The following ERICH1 variants were observed in gnomAD, a reference collection of about 807,000 sequenced individuals.
ERICH1 encodes glutamate rich 1.
In ERICH1, 56 loss-of-function variants were observed where a neutral mutation model predicts 39.6. That is an observed-to-expected ratio of 1.41 (90% confidence interval 1.14 to 1.77). The LOEUF (loss-of-function observed/expected upper bound fraction) is 1.77, where lower values mean the gene tolerates loss of function less well. ERICH1 is among the 40% of genes most tolerant of loss of function. The probability of loss-of-function intolerance (pLI) is 0.00; values close to 1 mark genes in which losing one functional copy is unlikely to be tolerated. For missense variants in ERICH1, 826 were observed against 575.4 expected (o/e 1.44, Z -4.45); for synonymous variants, 313 against 223.6 (o/e 1.40, Z -3.57).
chr8:706,768 C>T (rs943304714), intron 2 of ERICH1, among the ~76,000 whole-genome samples: 4 of 152,110 alleles, frequency 2.6e-5, no homozygotes, highest in Non-Finnish European at 5.9e-5. Context: ...GAAACTCCAT[C>T]TCAAAAACAA....
chr8:724,754 G>A (rs1293067428), intron 1 of ERICH1, among the ~76,000 whole-genome samples: 1 of 152,214 alleles, frequency 6.6e-6, no homozygotes, highest in Admixed American at 6.5e-5. Flanking sequence ...TCAGCCCAAA[G>A]AACTTGCAAC....
chr8:667,436 C>G (rs1802433500), intron 5 of ERICH1: 1 of 153,164 alleles, frequency 6.5e-6, no homozygotes, highest in African/African-American at 2.4e-5. Context: ...CCTCCACAGC[C>G]TCATCTCCAG....
In ERICH1 at chr8:647,091, C is replaced by A. The variant is rs564699366; in HGVS notation, c.976+21507G>T. Among the ~76,000 whole-genome samples the A allele has an allele frequency of 8.4e-4, 58 of 69,008 alleles. 20 individuals are homozygous for A. Among genetic ancestry groups the A allele is most frequent in the African/African-American group, 2.2e-3 (58 of 26,904 alleles). 45.3% of individuals were successfully genotyped at this position (69,008 alleles called of 152,430 possible). ...GGCTGAGCATATTGAGGTAGCCTGT[C>A]CACGCAGGTGGCGGGAGTCATGCTC... On this transcript the variant is annotated intron_variant, in intron 3 of 3. Transcript: ENST00000522706.
downstream of ERICH1, among the ~76,000 whole-genome samples, chr8:660,283 G>A (rs1166768967): frequency 1.3e-5 from 2 of 152,264 alleles, no homozygotes; most frequent in Non-Finnish European, 2.9e-5. Context: ...AGTTGTTATT[G>A]TAATATTTGA....
chr8:728,571 G>A (rs754284586), intron 1 of ERICH1, among the ~76,000 whole-genome samples: 2 of 152,160 alleles, frequency 1.3e-5, no homozygotes, highest in South Asian at 2.1e-4. Context: ...GAAACAGCCC[G>A]ACCTGAGCTA....
intron 2 of ERICH1, among the ~76,000 whole-genome samples, chr8:702,615 G>A (rs1396527866): frequency 1.3e-5 from 2 of 152,194 alleles, no homozygotes; most frequent in South Asian, 2.1e-4. Context: ...GAAAGAGGCC[G>A]ACAGTGCGCC....
intron 2 of ERICH1, among the ~76,000 whole-genome samples, chr8:711,371 C>T (rs560261231): frequency 1.3e-5 from 2 of 152,208 alleles, no homozygotes; most frequent in Non-Finnish European, 2.9e-5. Flanking sequence ...CTTATCAATT[C>T]TTTCTTTGAT....
At chr8:683,113 G>A (rs1161195782) in intron 3 of ERICH1, among the ~76,000 whole-genome samples, 1 of 152,156 alleles carries the variant, frequency 6.6e-6, no homozygotes, top group African/African-American at 2.4e-5. Context: ...TCTCACAGAC[G>A]CGGACACTCC....
At position 673,400 on chromosome 8, in the gene ERICH1, C is replaced by G. The variant is rs142191174; in HGVS notation, c.952G>C (p.Gly318Arg). 6.2e-7 allele frequency: 1 copy of G among 1,611,904 alleles called. No individual in the cohort carries two copies. The highest frequency in any genetic ancestry group is 1.3e-5 in the African/African-American group (1 of 74,114). Residue 318 changes from glycine to arginine, a missense_variant, in exon 4 of 6, where the codon GGG (glycine) becomes CGG (arginine). Coordinates refer to ENST00000262109, the MANE Select transcript of ERICH1 (RefSeq NM_207332.3). ...CTGGCGTCTGCACCGTCCTCCTCCC[C>G]GGAGTCTGCACCCTCTTCCTCCCCA... ...WAGEEEGADS[G>R]EEDGADASEE...
chr8:630,410 C>T (rs867062143), intron 3 of ERICH1, among the ~76,000 whole-genome samples: 3 of 134,276 alleles, frequency 2.2e-5, no homozygotes, highest in African/African-American at 5.6e-5. Context: ...GACTCACACC[C>T]TCCTGTGACC....
At chr8:697,300 G>A (rs1350783730) in intron 2 of ERICH1, among the ~76,000 whole-genome samples, 1 of 152,152 alleles carries the variant, frequency 6.6e-6, no homozygotes, top group African/African-American at 2.4e-5. Flanking sequence ...GCCAGCGCAG[G>A]CACAGGCTTG....
intron 3 of ERICH1, among the ~76,000 whole-genome samples, chr8:617,342 G>A (rs139308609): frequency 7.9e-4 from 121 of 152,304 alleles, no homozygotes; most frequent in Middle Eastern, 3.4e-3. Context: ...CATGTCCAGA[G>A]TATCCCCTTT....
At chr8:723,963 C>A (rs1817953108) in intron 1 of ERICH1, among the ~76,000 whole-genome samples, 1 of 152,124 alleles carries the variant, frequency 6.6e-6, no homozygotes, top group Non-Finnish European at 1.5e-5. Context: ...GTAGTAGATT[C>A]TTGAGGAGTT....
At chr8:698,997 C>A (rs937907295) in intron 2 of ERICH1, among the ~76,000 whole-genome samples, 4 of 151,414 alleles carry the variant, frequency 2.6e-5, no homozygotes, top group Admixed American at 1.3e-4. Flanking sequence ...TCCAAAGTCT[C>A]GGCTCAGCTG....
chr8:651,155 G>C (rs1435916752), intron 3 of ERICH1, among the ~76,000 whole-genome samples: 2 of 152,194 alleles, frequency 1.3e-5, no homozygotes, highest in African/African-American at 2.4e-5. Flanking sequence ...AGTTGAATTA[G>C]ACACTGCAAG....
At chr8:705,915 G>A (rs544623083) in intron 2 of ERICH1, among the ~76,000 whole-genome samples, 1 of 152,310 alleles carries the variant, frequency 6.6e-6, no homozygotes, top group South Asian at 2.1e-4. Context: ...TTCACCGTAC[G>A]TTTTTAATGT....
chr8:692,698 C>T, intron 2 of ERICH1, 86 bp from the exon 3 acceptor site: 12 of 1,381,834 alleles, frequency 8.7e-6, no homozygotes, highest in Non-Finnish European at 1.1e-5. Context: ...GGCATTGTTT[C>T]TCTAAATTCA....
intron 3 of ERICH1, among the ~76,000 whole-genome samples, chr8:634,629 A>C (rs1798284442): frequency 6.6e-6 from 1 of 152,112 alleles, no homozygotes; most frequent in African/African-American, 2.4e-5. Flanking sequence ...GTGTGCGCAG[A>C]AGGACAGCTG....
At chr8:635,990 G>A (rs1347967141) in intron 3 of ERICH1, among the ~76,000 whole-genome samples, 1 of 152,244 alleles carries the variant, frequency 6.6e-6, no homozygotes. Flanking sequence ...CGCCTCGGCA[G>A]AAACAGCCCA....
Sources: allele counts gnomAD v4.1 joint callset (sites outside exome capture counted in the v4.1 genomes callset), GRCh38; gene constraint gnomAD v4.1.1; transcripts MANE v1.5; gene names NCBI Gene and HGNC (gene_info 2026-07-23, HGNC 2026-07-21).